THSD7B: variants seen among roughly 807,000 people sequenced by gnomAD.
The protein encoded by THSD7B is thrombospondin type 1 domain containing 7B, also known as thrombospondin type-1 domain-containing protein 7B.
A neutral mutation model predicts 213.6 loss-of-function variants in THSD7B; 138 were observed. The observed-to-expected ratio is 0.65, with a 90% confidence interval of 0.56 to 0.74. The LOEUF is 0.74. Among genes scored for constraint, THSD7B ranks in the 30% least tolerant of loss-of-function variants. The pLI is 0.00. For missense variants in THSD7B, 1,931 were observed against 1,991.5 expected (o/e 0.97, Z 0.58); for synonymous variants, 742 against 687.0 (o/e 1.08, Z -1.25).
chr2:137,223,698 C>T (rs527543574), intron 7 of THSD7B, among the ~76,000 whole-genome samples: 3 of 152,264 alleles, frequency 2.0e-5, no homozygotes, highest in East Asian at 3.9e-4. Flanking sequence ...TGTGACTGGA[C>T]CCCCTCAATG....
At chr2:137,501,761 C>T (rs1037916906) in intron 15 of THSD7B, among the ~76,000 whole-genome samples, 3 of 152,308 alleles carry the variant, frequency 2.0e-5, no homozygotes, top group Admixed American at 2.0e-4. Flanking sequence ...ACTAATCTAA[C>T]TCTGGGTTAG....
At chr2:136,871,145 G>A (rs1027144057) in intron 1 of THSD7B, among the ~76,000 whole-genome samples, 10 of 152,192 alleles carry the variant, frequency 6.6e-5, no homozygotes, top group Non-Finnish European at 1.3e-4. Context: ...CGGTCTGTGG[G>A]CTCTGTAGGG....
rs897400738 is a variant in THSD7B at position 137,497,620 on chromosome 2, ATG to A, written c.3138+46611_3138+46612del. 2.1e-3 allele frequency among the ~76,000 whole-genome samples: 311 copies of A among 150,518 alleles called. 3 individuals carry two copies. The highest frequency in any genetic ancestry group is 5.4e-3 in the East Asian group (28 of 5,154). The stretch of plus-strand genomic sequence containing the variant: ...ATATATGTATGTGTGTGTGTGTGTT[ATG>A]TGTGTGTGTGTGTATTTCCCCAATG... On this transcript the variant is annotated intron_variant, in intron 15 of 27. Transcript: ENST00000409968.
intron 15 of THSD7B, among the ~76,000 whole-genome samples, chr2:137,518,800 C>T (rs933478416): frequency 2.0e-5 from 3 of 152,172 alleles, no homozygotes; most frequent in African/African-American, 7.2e-5. Flanking sequence ...TGGCTACGGC[C>T]ACTCCTGAGT....
At chr2:137,375,822 A>G (rs572419706) in intron 12 of THSD7B, among the ~76,000 whole-genome samples, 4 of 152,334 alleles carry the variant, frequency 2.6e-5, no homozygotes, top group Non-Finnish European at 5.9e-5. Flanking sequence ...AGAGCAAACA[A>G]AATGAAAATA....
intron 17 of THSD7B, among the ~76,000 whole-genome samples, chr2:137,605,796 G>A (rs1453186771): frequency 6.6e-6 from 1 of 151,624 alleles, no homozygotes; most frequent in East Asian, 1.9e-4. Flanking sequence ...AGCCTCCTGA[G>A]TAGCTGGGGT....
intron 2 of THSD7B, among the ~76,000 whole-genome samples, chr2:136,908,901 C>G (rs1684213550): frequency 6.6e-6 from 1 of 152,188 alleles, no homozygotes; most frequent in South Asian, 2.1e-4. Flanking sequence ...CTATCCTAGT[C>G]TGGGCGCGGT....
intron 26 of THSD7B, 137 bp downstream of exon 26, chr2:137,663,712 T>G: frequency 1.3e-6 from 1 of 768,406 alleles, no homozygotes; most frequent in South Asian, 2.0e-5. Flanking sequence ...TAATTCAGGG[T>G]TTCTCAGATT....
chr2:137,468,137 G>GT (rs1173725627), intron 15 of THSD7B, among the ~76,000 whole-genome samples: 2 of 152,140 alleles, frequency 1.3e-5, no homozygotes, highest in Non-Finnish European at 2.9e-5. Flanking sequence ...AGTAATGCTT[G>GT]TAACAATAGC....
chr2:137,231,246 G>T lies in THSD7B; in HGVS notation c.1915+11G>T. On this transcript the variant is annotated intron_variant, in intron 8 of 27. Transcript: ENST00000409968. ...CACTGGCTGGGGAAGGTGAGTAACAGAAAAGGTTTTCACTTTGGATTCATT... is the reference window on the plus strand; with the variant it reads ...CACTGGCTGGGGAAGGTGAGTAACATAAAAGGTTTTCACTTTGGATTCATT... The T allele has an allele frequency of 6.3e-7, 1 of 1,593,454 alleles. No individual in the cohort carries two copies.
At chr2:137,663,647 T>C in intron 26 of THSD7B, 72 bp downstream of exon 26, 2 of 1,309,668 alleles carry the variant, frequency 1.5e-6, no homozygotes, top group East Asian at 2.5e-5. Flanking sequence ...CTTCTCATGA[T>C]GGAAAGAATG....
In THSD7B at chr2:137,618,589, G is replaced by C. The variant is rs1004844240; in HGVS notation, c.3681+82G>C. The stretch of plus-strand genomic sequence containing the variant: ...CTGCAGTTCCATGATGTCCAATATA[G>C]ATAACAGACTGATTTCTTCTCATCT... On this transcript the variant is annotated intron_variant, in intron 19 of 27. Transcript: ENST00000409968. 4.1e-6 allele frequency: 5 copies of C among 1,219,900 alleles called. No individual in the cohort carries two copies. The East Asian group carries it at 1.0e-4, about 25-fold the overall frequency. The allele number at this position is 1,219,900 out of a possible 1,614,324, so 75.6% of individuals were successfully genotyped here.
chr2:137,302,938 A>G (rs972739014), intron 12 of THSD7B, among the ~76,000 whole-genome samples: 9 of 152,152 alleles, frequency 5.9e-5, no homozygotes, highest in Admixed American at 2.6e-4. Context: ...ACTCAAAAGT[A>G]ACTCGGTATG....
At chr2:137,127,247 G>A (rs1573839476) in intron 5 of THSD7B, among the ~76,000 whole-genome samples, 1 of 152,040 alleles carries the variant, frequency 6.6e-6, no homozygotes, top group African/African-American at 2.4e-5. Flanking sequence ...AAGTATGCCC[G>A]TATTTAATAT....
intron 7 of THSD7B, among the ~76,000 whole-genome samples, chr2:137,172,320 A>G (rs1300937708): frequency 1.3e-5 from 2 of 152,148 alleles, no homozygotes; most frequent in Non-Finnish European, 1.5e-5. Flanking sequence ...TGGATGGGAG[A>G]TGATCACCAG....
At chr2:136,900,468 A>AC (rs1407298601) in intron 2 of THSD7B, among the ~76,000 whole-genome samples, 2 of 152,158 alleles carry the variant, frequency 1.3e-5, no homozygotes, top group African/African-American at 4.8e-5. Context: ...ATACACACAC[A>AC]CACACCACAC....
At chr2:137,326,073 A>C (rs1684368571) in intron 12 of THSD7B, among the ~76,000 whole-genome samples, 1 of 152,142 alleles carries the variant, frequency 6.6e-6, no homozygotes, top group Non-Finnish European at 1.5e-5. Flanking sequence ...TTAACAGGGG[A>C]TTATCAGGAA....
chr2:137,469,791 A>G (rs1688058400), intron 15 of THSD7B, among the ~76,000 whole-genome samples: 2 of 152,194 alleles, frequency 1.3e-5, no homozygotes, highest in South Asian at 4.1e-4. Context: ...ACCAAAGAGC[A>G]CCGGTTGTTT....
intron 5 of THSD7B, among the ~76,000 whole-genome samples, chr2:137,137,738 T>C (rs1679495132): frequency 6.6e-6 from 1 of 152,144 alleles, no homozygotes; most frequent in Admixed American, 6.6e-5. Context: ...CATGACTTTT[T>C]GTGGGTTTTT....
Sources: gnomAD v4.1 joint callset for allele counts (sites outside exome capture counted in the v4.1 genomes callset) on GRCh38, gnomAD v4.1.1 for gene constraint, MANE v1.5 for transcripts, NCBI Gene and HGNC (gene_info 2026-07-23, HGNC 2026-07-21) for gene names.